The following SLCO1A2 variants were observed in gnomAD, a reference collection of about 807,000 sequenced individuals.
SLCO1A2 encodes solute carrier organic anion transporter family member 1A2, also known as OATP-1.
A neutral mutation model predicts 69.0 loss-of-function variants in SLCO1A2; 67 were observed. That is an observed-to-expected ratio of 0.97 (90% CI 0.80 to 1.19). The LOEUF is 1.19. Among genes scored for constraint, SLCO1A2 ranks in the 50% most tolerant of loss-of-function variants. The pLI is 0.00. For synonymous variants in SLCO1A2, 260 were observed against 265.9 expected, an observed-to-expected ratio of 0.98 and a Z score of 0.22; for missense variants, 787 against 793.7, an observed-to-expected ratio of 0.99 and a Z score of 0.10.
intron 2 of SLCO1A2, among the ~76,000 whole-genome samples, chr12:21,371,778 G>A (rs190032305): frequency 1.2e-4 from 18 of 152,206 alleles, no homozygotes; most frequent in South Asian, 4.1e-4. Flanking sequence ...AGAAGTGGGC[G>A]GATCACCTGA....
chr12:21,320,822 C>T (rs983289058), intron 2 of SLCO1A2, among the ~76,000 whole-genome samples: 3 of 152,144 alleles, frequency 2.0e-5, no homozygotes, highest in Non-Finnish European at 4.4e-5. Context: ...TTCAACCTCA[C>T]ACCCTTTATT....
intron 2 of SLCO1A2, among the ~76,000 whole-genome samples, chr12:21,361,269 A>C (rs1938850320): frequency 1.3e-5 from 2 of 152,236 alleles, no homozygotes; most frequent in Non-Finnish European, 1.5e-5. Context: ...TACCCAGGCA[A>C]ACAGGGTCTG....
At chr12:21,320,471 C>T (rs987434246) in intron 2 of SLCO1A2, among the ~76,000 whole-genome samples, 2 of 151,756 alleles carry the variant, frequency 1.3e-5, no homozygotes, top group African/African-American at 4.8e-5. Flanking sequence ...TTGCTCTTTT[C>T]TCTCTCTCTC....
Position 21,355,544 on chromosome 12 carries a change from G to C in SLCO1A2, c.-63+18855C>G, listed in dbSNP as rs577880197. 1.3e-5 allele frequency among the ~76,000 whole-genome samples: 2 copies of C among 152,272 alleles called. 1 individual carries two copies. Among genetic ancestry groups the C allele is most frequent in the South Asian group, 4.1e-4 (2 of 4,826 alleles). On this transcript the variant is annotated intron_variant, in intron 2 of 15. Coordinates refer to the SLCO1A2 transcript ENST00000307378. ...AAACTTTGAGTCTGTCTCAAGGTTA[G>C]GGAGCTGATGTGAGTTTCCTATATT...
chr12:21,382,921 A>G (rs1940679947), intron 1 of SLCO1A2, among the ~76,000 whole-genome samples: 1 of 152,186 alleles, frequency 6.6e-6, no homozygotes, highest in African/African-American at 2.4e-5. Context: ...TGAAGTGCAG[A>G]CAATTTCTCT....
At chr12:21,271,455 TTTG>T (rs1942816904) in intron 14 of SLCO1A2, among the ~76,000 whole-genome samples, 1 of 141,878 alleles carries the variant, frequency 7.0e-6, no homozygotes, top group Admixed American at 6.8e-5. Context: ...ATTATTCTTA[TTTG>T]AGATAGGAAA....
At chr12:21,276,583 A>C (rs1467601550) in intron 12 of SLCO1A2, among the ~76,000 whole-genome samples, 1 of 152,126 alleles carries the variant, frequency 6.6e-6, no homozygotes, top group East Asian at 1.9e-4. Flanking sequence ...AGAATGAAAA[A>C]TCAGGTGAGC....
intron 1 of SLCO1A2, among the ~76,000 whole-genome samples, chr12:21,388,628 T>C (rs1429410149): frequency 6.6e-6 from 1 of 152,170 alleles, no homozygotes; most frequent in Non-Finnish European, 1.5e-5. Context: ...TATTTCTTTA[T>C]AGCAGTATGA....
At chr12:21,359,368 C>T (rs558547428) in intron 2 of SLCO1A2, among the ~76,000 whole-genome samples, 2 of 152,090 alleles carry the variant, frequency 1.3e-5, no homozygotes, top group African/African-American at 4.8e-5. Flanking sequence ...TCTTCCTCAA[C>T]TTGACTATTC....
chr12:21,412,253 C>A (rs1400033044), intron 1 of SLCO1A2, among the ~76,000 whole-genome samples: 1 of 151,858 alleles, frequency 6.6e-6, no homozygotes, highest in South Asian at 2.1e-4. Flanking sequence ...TGGTGGCGGG[C>A]GCCTGTAGTC....
intron 2 of SLCO1A2, among the ~76,000 whole-genome samples, chr12:21,321,265 C>T (rs1951583505): frequency 6.6e-6 from 1 of 152,148 alleles, no homozygotes; most frequent in South Asian, 2.1e-4. Context: ...CTGTCTTGTA[C>T]TCCCTACCCT....
upstream of SLCO1A2, among the ~76,000 whole-genome samples, chr12:21,336,537 G>A (rs548732439): frequency 2.6e-5 from 4 of 151,882 alleles, no homozygotes; most frequent in African/African-American, 9.7e-5. Flanking sequence ...AGAATTACAT[G>A]GGATTAAATT....
At chr12:21,352,241 C>T (rs1237802228) in intron 2 of SLCO1A2, among the ~76,000 whole-genome samples, 4 of 152,026 alleles carry the variant, frequency 2.6e-5, no homozygotes, top group African/African-American at 7.3e-5. Context: ...TCTGGAAATG[C>T]GAAGAGAGGA....
intron 1 of SLCO1A2, among the ~76,000 whole-genome samples, chr12:21,393,341 A>C (rs959107430): frequency 1.3e-5 from 2 of 152,172 alleles, no homozygotes; most frequent in Non-Finnish European, 2.9e-5. Flanking sequence ...AACCTTAGAA[A>C]ACCAGTTTCC....
intron 12 of SLCO1A2, among the ~76,000 whole-genome samples, chr12:21,276,539 T>G (rs1226402186): frequency 7.5e-6 from 1 of 134,216 alleles, no homozygotes; most frequent in Non-Finnish European, 1.5e-5. Context: ...AACAACTATC[T>G]ACATACAAAA....
intron 2 of SLCO1A2, chr12:21,319,469 T>C (rs1951317189): frequency 7.3e-7 from 1 of 1,366,664 alleles, no homozygotes; most frequent in Non-Finnish European, 9.8e-7. Context: ...ACAATCTGAG[T>C]TATGTCCTCA....
At chr12:21,331,110 T>TA (rs1952586439) in intron 2 of SLCO1A2, among the ~76,000 whole-genome samples, 1 of 152,118 alleles carries the variant, frequency 6.6e-6, no homozygotes, top group Non-Finnish European at 1.5e-5. Context: ...ACCTCTGAAT[T>TA]AGACAAAAAT....
chr12:21,320,879 C>A lies in SLCO1A2; in HGVS notation c.61-1956G>T, dbSNP rs192147969. Among the ~76,000 whole-genome samples, 12 of 152,242 alleles carry A rather than the reference C, an allele frequency of 7.9e-5. No homozygotes were observed. In the East Asian group the frequency reaches 2.1e-3, roughly 27 times the overall value. On this transcript the variant is annotated intron_variant, in intron 2 of 14. Coordinates refer to ENST00000683939, the MANE Select transcript of SLCO1A2 (RefSeq NM_001386879.1). ...TTAATATATCCAAGGCATTTCTTGC[C>A]TTTTGAGAAAAAAACAAAATGAAAC... is the stretch of plus-strand genomic sequence containing the variant.
rs1942035596 is a variant in SLCO1A2, at chr12:21,266,075, A to C, written c.*3473T>G. 1 of 152,142 alleles carries C rather than the reference A, an allele frequency of 6.6e-6. No homozygotes were observed. The highest frequency in any genetic ancestry group is 1.5e-5 in the Non-Finnish European group (1 of 68,020). 9.4% of individuals were successfully genotyped at this position (152,142 alleles called of 1,614,324 possible). A position where few individuals can be genotyped will look rare whatever the true frequency, so the allele number is the denominator to read the frequency against. On this transcript the variant is annotated 3_prime_UTR_variant, in exon 15 of 15. Coordinates refer to ENST00000683939, the MANE Select transcript of SLCO1A2 (RefSeq NM_001386879.1). ...AGGGCTACAAAGCCAAATTATTTACATTCTGAAAATGGGGATGCATGAGAG... is the reference window on the plus strand; with the variant it reads ...AGGGCTACAAAGCCAAATTATTTACCTTCTGAAAATGGGGATGCATGAGAG...
Sources: gnomAD v4.1 joint callset for allele counts (sites outside exome capture counted in the v4.1 genomes callset) on GRCh38, gnomAD v4.1.1 for gene constraint, MANE v1.5 for transcripts, NCBI Gene and HGNC (gene_info 2026-07-23, HGNC 2026-07-21) for gene names.